MYH10: variants seen among roughly 807,000 people sequenced by gnomAD.
The protein encoded by MYH10 is myosin heavy chain 10, also known as myosin-10.
Under a neutral mutation model 257.8 loss-of-function variants are expected in MYH10, and 55 were observed. That is an observed-to-expected ratio of 0.21 (90% confidence interval 0.17 to 0.27). The LOEUF (loss-of-function observed/expected upper bound fraction) is 0.27. Among genes scored for constraint, MYH10 ranks in the 10% least tolerant of loss-of-function variants. The pLI, the probability that MYH10 is intolerant of heterozygous loss-of-function variation, is 1.00. For synonymous variants in MYH10, 854 were observed against 921.7 expected, an observed-to-expected ratio of 0.93 and a Z score of 1.33; for missense variants, 1,631 against 2,500.6, an observed-to-expected ratio of 0.65 and a Z score of 7.42.
At chr17:8,588,840 T>C (rs2084014978) in intron 4 of MYH10, among the ~76,000 whole-genome samples, 2 of 152,230 alleles carry the variant, frequency 1.3e-5, no homozygotes. Context: ...CTTTGACCTA[T>C]GAACTAAAGA....
chr17:8,481,594 G>T, intron 37 of MYH10, 184 bp from the exon 38 acceptor site: 1 of 564,962 alleles, frequency 1.8e-6, no homozygotes, highest in Non-Finnish European at 3.1e-6. Flanking sequence ...GCCAGGTGGT[G>T]TGTGGTGTCA....
chr17:8,543,827 A>G (rs563085488), intron 13 of MYH10, among the ~76,000 whole-genome samples: 18 of 152,350 alleles, frequency 1.2e-4, no homozygotes, highest in African/African-American at 3.8e-4. Context: ...TAAACTACCA[A>G]TTATAATTTT....
chr17:8,582,513 TC>T (rs1390522808), intron 4 of MYH10, among the ~76,000 whole-genome samples: 1 of 152,210 alleles, frequency 6.6e-6, no homozygotes, highest in African/African-American at 2.4e-5. Flanking sequence ...GGAGAAGAAA[TC>T]CTTCAAAGAG....
chr17:8,540,047 T>C (rs940577740), intron 14 of MYH10, among the ~76,000 whole-genome samples: 1 of 152,196 alleles, frequency 6.6e-6, no homozygotes, highest in East Asian at 1.9e-4. Flanking sequence ...TGGAGTGCAG[T>C]GGTGCAATCT....
At chr17:8,527,653 C>T (rs576404484) in intron 17 of MYH10, among the ~76,000 whole-genome samples, 14 of 152,328 alleles carry the variant, frequency 9.2e-5, no homozygotes, top group East Asian at 3.9e-4. Context: ...GATGCAGCCA[C>T]GGCAATGGCA....
At chr17:8,520,645 G>A (rs960179557) in intron 19 of MYH10, among the ~76,000 whole-genome samples, 39 of 152,098 alleles carry the variant, frequency 2.6e-4, no homozygotes, top group African/African-American at 8.7e-4. Context: ...TCTTTGCAGC[G>A]CCCATAGCAG....
At chr17:8,585,068 C>A (rs543787383) in intron 4 of MYH10, among the ~76,000 whole-genome samples, 9 of 151,924 alleles carry the variant, frequency 5.9e-5, no homozygotes, top group South Asian at 4.2e-4. Context: ...GTTGCGAACT[C>A]CCAGCCTCAG....
At chr17:8,540,540 C>T in intron 14 of MYH10, among the ~76,000 whole-genome samples, 1 of 152,064 alleles carries the variant, frequency 6.6e-6, no homozygotes, top group South Asian at 2.1e-4. Context: ...TTTAAAAACA[C>T]TCTAAAAACA....
rs369644259 is a variant in MYH10 at position 8,487,338 on chromosome 17, G to A, written c.5046+95C>T. On this transcript the variant is annotated intron_variant, in intron 36 of 42. Coordinates refer to ENST00000360416, the MANE Select transcript of MYH10 (RefSeq NM_001256012.3). ...CCCCACCCCCGGCCACGCTGACAGC[G>A]GTGCTGTGCCCCCCAGCTTCACTGC... 309 of 1,469,096 alleles carry A rather than the reference G, an allele frequency of 2.1e-4. 2 individuals are homozygous for A. In the East Asian group the frequency reaches 4.1e-3, roughly 19 times the overall value. The allele number at this position is 1,469,096 out of a possible 1,614,324, so 91.0% of individuals were successfully genotyped here.
intron 4 of MYH10, among the ~76,000 whole-genome samples, chr17:8,579,321 A>C (rs1429014285): frequency 6.6e-6 from 1 of 152,190 alleles, no homozygotes; most frequent in African/African-American, 2.4e-5. Context: ...TCCAAAACTT[A>C]AATTTTTCGG....
intron 3 of MYH10, among the ~76,000 whole-genome samples, chr17:8,596,175 C>CA (rs2084363349): frequency 7.4e-6 from 1 of 135,000 alleles, no homozygotes; most frequent in Non-Finnish European, 1.5e-5. Context: ...TTTTTTGAGA[C>CA]AGAGTCTCAC....
intron 34 of MYH10, 57 bp downstream of exon 34, chr17:8,492,240 C>T: frequency 6.4e-7 from 1 of 1,553,354 alleles, no homozygotes; most frequent in Non-Finnish European, 8.8e-7. Context: ...TGTGTGAAGG[C>T]CCAGGCCCCT....
At chr17:8,612,657 C>A (rs2085087260) in intron 2 of MYH10, among the ~76,000 whole-genome samples, 1 of 152,038 alleles carries the variant, frequency 6.6e-6, no homozygotes, top group Non-Finnish European at 1.5e-5. Flanking sequence ...TCAAAACCAG[C>A]CTGACCAACA....
rs577733388 is a variant in MYH10 at position 8,568,239 on chromosome 17, A to G, written c.756+1481T>C. 2.0e-5 allele frequency among the ~76,000 whole-genome samples: 3 copies of G among 152,258 alleles called. No homozygotes were observed. The South Asian group carries it at 6.2e-4, about 32-fold the overall frequency. ...GCCTCAGAAGAAACCAATCCTGCCA[A>G]CACCTTGCTTCAGACATCTAGCCTC... is the stretch of plus-strand genomic sequence containing the variant. On this transcript the variant is annotated intron_variant, in intron 7 of 42. Transcript: ENST00000360416.
At chr17:8,507,976 AAAAAAG>A (rs763637448) in intron 26 of MYH10, among the ~76,000 whole-genome samples, 23 of 152,220 alleles carry the variant, frequency 1.5e-4, no homozygotes, top group Middle Eastern at 3.2e-3. Flanking sequence ...CCATCTTAAA[AAAAAAG>A]AAAAAGAAAA....
chr17:8,511,131 T>TA (rs1555579202), intron 24 of MYH10: 2 of 150,886 alleles, frequency 1.3e-5, no homozygotes, highest in African/African-American at 2.5e-5. Context: ...AACAAAGTGT[T>TA]ACAGCTCTTT....
In MYH10 at chr17:8,478,379, C is replaced by T. The variant is rs770849560; in HGVS notation, c.5665G>A (p.Val1889Ile). The T allele has an allele frequency of 2.5e-6, 4 of 1,614,252 alleles. No individual in the cohort carries two copies. The highest frequency in any genetic ancestry group is 3.4e-6 in the Non-Finnish European group (4 of 1,180,046). The change falls in exon 41 of 43, where the codon GTT (valine) becomes ATT (isoleucine). Residue 1889 changes from valine (V) to isoleucine (I), a missense_variant. By Grantham distance (29) the Val-to-Ile change is conservative. Around this residue, in one of 11 missense-constraint regions of MYH10, gnomAD observed 343 missense variants for 389.5 expected, o/e 0.88. Coordinates refer to ENST00000360416, the MANE Select transcript of MYH10 (RefSeq NM_001256012.3). ...TCCGCGTGTCGACGCTCATCCTCAA[C>T]CTGCATGAAGATTTCTTTCAGCTTC... is the stretch of plus-strand genomic sequence containing the variant. ...EKKLKEIFMQ[V>I]EDERRHADQY...
In MYH10 at chr17:8,577,279, T is replaced by C; in HGVS notation, c.590A>G (p.His197Arg). 1.9e-6 allele frequency: 3 copies of C among 1,612,906 alleles called. No homozygotes were observed. Among genetic ancestry groups the C allele is most frequent in the Non-Finnish European group, 2.5e-6 (3 of 1,179,224 alleles). Reference protein sequence around the residue: ...NTKKVIQYLAHVASSHKGRKD... With the variant: ...NTKKVIQYLARVASSHKGRKD... ...TCTTCCTTTATGTGAAGAAGCAACA[T>C]GGGCAAGGTACTGAATAACTTTCTT... The change falls in exon 5 of 43, where the codon CAT becomes CGT. Residue 197 changes from histidine (H) to arginine (R), a missense_variant. Around this residue, in one of 11 missense-constraint regions of MYH10, gnomAD observed 360 missense variants for 581.9 expected, o/e 0.62. Coordinates refer to ENST00000360416, the MANE Select transcript of MYH10 (RefSeq NM_001256012.3).
Position 8,497,646 on chromosome 17 carries a change from G to T in MYH10, c.3951+1624C>A, listed in dbSNP as rs373331290. Among the ~76,000 whole-genome samples, 257 of 146,722 alleles carry T rather than the reference G, an allele frequency of 1.8e-3. 1 individual carries two copies. Among genetic ancestry groups the T allele is most frequent in the African/African-American group, 6.1e-3 (244 of 39,872 alleles). On this transcript the variant is annotated intron_variant, in intron 30 of 42. Transcript: ENST00000360416. ...CCCAGCTACCCAGGAGGCTGAGGCA[G>T]GAGAATTGTGTGAACCCGGGAGGCA...
Sources: allele counts gnomAD v4.1 joint callset (sites outside exome capture counted in the v4.1 genomes callset), GRCh38; gene constraint gnomAD v4.1.1; regional missense constraint gnomAD v4.1.1; transcripts MANE v1.5; gene names NCBI Gene and HGNC (gene_info 2026-07-23, HGNC 2026-07-21).